Variants in SMC6 observed in about 807,000 individuals in gnomAD.
SMC6 encodes structural maintenance of chromosomes 6.
SMC6 carries 79 observed loss-of-function variants against 142.2 expected under a neutral mutation model. The ratio of observed to expected loss-of-function variants is 0.56; its 90% CI spans 0.46 to 0.67. The LOEUF (loss-of-function observed/expected upper bound fraction) is 0.67, where lower values mean the gene tolerates loss of function less well. Among genes scored for constraint, SMC6 ranks in the 30% least tolerant of loss-of-function variants. The pLI, the probability that SMC6 is intolerant of heterozygous loss-of-function variation, is 0.00. For missense variants in SMC6, 1,072 were observed against 1,284.0 expected, an observed-to-expected ratio of 0.83 and a Z score of 2.52; for synonymous variants, 411 against 412.4, an observed-to-expected ratio of 1.00 and a Z score of 0.04.
At chr2:17,717,403 G>A (rs1272328133) in intron 12 of SMC6, among the ~76,000 whole-genome samples, 1 of 152,206 alleles carries the variant, frequency 6.6e-6, no homozygotes, top group Non-Finnish European at 1.5e-5. Context: ...CAGGTGCTGT[G>A]GCTCACGCCT....
chr2:17,675,795 G>A (rs1484441392), intron 25 of SMC6, among the ~76,000 whole-genome samples: 2 of 151,928 alleles, frequency 1.3e-5, no homozygotes, highest in African/African-American at 4.8e-5. Context: ...TTACCTCTTT[G>A]TTTTTGGTTT....
At chr2:17,739,596 G>A (rs1317605395) in intron 4 of SMC6, among the ~76,000 whole-genome samples, 1 of 152,038 alleles carries the variant, frequency 6.6e-6, no homozygotes, top group Non-Finnish European at 1.5e-5. Context: ...AGTGAGCCAA[G>A]ATAGCACCAC....
At chr2:17,727,514 T>C (rs1396739225) in intron 7 of SMC6, among the ~76,000 whole-genome samples, 1 of 151,608 alleles carries the variant, frequency 6.6e-6, no homozygotes, top group African/African-American at 2.4e-5. Flanking sequence ...TTTATATATA[T>C]ATATATATAT....
At chr2:17,716,516 T>A (rs533942337) in intron 14 of SMC6, among the ~76,000 whole-genome samples, 7 of 152,174 alleles carry the variant, frequency 4.6e-5, no homozygotes, top group Non-Finnish European at 5.9e-5. Context: ...TCTACAACTA[T>A]AAGAAAAGTC....
chr2:17,707,431 G>T, intron 17 of SMC6, 52 bp from the exon 18 acceptor site: 1 of 1,242,110 alleles, frequency 8.1e-7, no homozygotes, highest in Non-Finnish European at 1.1e-6. Flanking sequence ...AAATTTTTCT[G>T]ATGTACAGAA....
At chr2:17,667,706 C>A (rs745477083) in intron 26 of SMC6, among the ~76,000 whole-genome samples, 3 of 151,954 alleles carry the variant, frequency 2.0e-5, no homozygotes, top group Non-Finnish European at 4.4e-5. Context: ...AAAAATTAGC[C>A]GGGCATGGTG....
At chr2:17,752,401 T>G (rs2125101972) in intron 2 of SMC6, among the ~76,000 whole-genome samples, 1 of 152,304 alleles carries the variant, frequency 6.6e-6, no homozygotes, top group Non-Finnish European at 1.5e-5. Context: ...TCCTCTGAAA[T>G]ATTTTCAGTC....
At chr2:17,675,389 A>T (rs938795335) in intron 25 of SMC6, among the ~76,000 whole-genome samples, 2 of 151,984 alleles carry the variant, frequency 1.3e-5, no homozygotes, top group Non-Finnish European at 2.9e-5. Context: ...ATTATTGTTG[A>T]TTTAGACGGC....
At chr2:17,678,539 A>G (rs576749953) in intron 25 of SMC6, among the ~76,000 whole-genome samples, 2 of 151,644 alleles carry the variant, frequency 1.3e-5, no homozygotes, top group South Asian at 2.1e-4. Context: ...AGGCCAAGGC[A>G]GGAGAATTGC....
At position 17,714,875 on chromosome 2, in the gene SMC6, A is replaced by C. The variant is rs1262295241; in HGVS notation, c.1716T>G (p.Tyr572Ter). Residue 572 changes from tyrosine (Y) to a stop codon, truncating the protein, a stop_gained, in exon 16 of 28, where the codon TAT (tyrosine) becomes TAG (stop). Transcript: ENST00000448223. LOFTEE classifies it high-confidence loss of function. The stretch of plus-strand genomic sequence containing the variant: ...TAATGCCTTACCTGTGTCTTACATC[A>C]TATATCTCATTCCGAAACTCAGAAA... ...IIVSEFRNEI[Y>*]DVRHRAAYHP... 7.4e-6 allele frequency: 12 copies of C among 1,612,776 alleles called. No individual in the cohort carries two copies. Among genetic ancestry groups the C allele is most frequent in the Non-Finnish European group, 1.0e-5 (12 of 1,179,698 alleles).
At chr2:17,716,048 TAA>T (rs745599028) in intron 15 of SMC6, 36 bp downstream of exon 15, 1 of 1,402,604 alleles carries the variant, frequency 7.1e-7, no homozygotes, top group Non-Finnish European at 9.4e-7. Flanking sequence ...AACTTATTTC[TAA>T]AGTTTATTAT....
chr2:17,672,014 A>G (rs1046480450), intron 25 of SMC6, among the ~76,000 whole-genome samples: 1 of 152,150 alleles, frequency 6.6e-6, no homozygotes, highest in African/African-American at 2.4e-5. Context: ...TATTAACATT[A>G]TTAATATTCT....
At chr2:17,693,464 A>G in intron 23 of SMC6, among the ~76,000 whole-genome samples, 1 of 152,054 alleles carries the variant, frequency 6.6e-6, no homozygotes, top group African/African-American at 2.4e-5. Context: ...CAAACACTGC[A>G]TGTTCTCACT....
chr2:17,717,117 A>G lies in SMC6; in HGVS notation c.1152T>C (p.Leu384=). 1 of 1,612,620 alleles carries G rather than the reference A, an allele frequency of 6.2e-7. No individual in the cohort carries two copies. The highest frequency in any genetic ancestry group is 8.5e-7 in the Non-Finnish European group (1 of 1,179,664). Residue 384 remains leucine (L), a synonymous_variant, in exon 13 of 28, where the codon CTT becomes CTC. Coordinates refer to ENST00000448223, the MANE Select transcript of SMC6 (RefSeq NM_001142286.2). ...TTTTCAGCTCTTCAATTCGTTTACA[A>G]AGCTGCTCATCATCTTTCTTTAATG... is the stretch of plus-strand genomic sequence containing the variant. ...YKALKKDDEQ[L]CKRIEELKKS... is the part of the protein sequence containing the mutation.
At chr2:17,726,820 G>A (rs1265248863) in intron 7 of SMC6, among the ~76,000 whole-genome samples, 1 of 152,154 alleles carries the variant, frequency 6.6e-6, no homozygotes, top group Admixed American at 6.5e-5. Flanking sequence ...GGTTAATCAT[G>A]GGACAGCAGA....
At chr2:17,730,665 C>A (rs1669866205) in intron 7 of SMC6, among the ~76,000 whole-genome samples, 1 of 149,944 alleles carries the variant, frequency 6.7e-6, no homozygotes. Flanking sequence ...TGCAGTGGCA[C>A]AATCTTGGCT....
intron 18 of SMC6, among the ~76,000 whole-genome samples, chr2:17,705,982 C>T (rs1418841971): frequency 6.6e-6 from 1 of 152,142 alleles, no homozygotes; most frequent in African/African-American, 2.4e-5. Context: ...CACTGATCAC[C>T]ACCTAACCTA....
chr2:17,698,825 T>C (rs1668132169), intron 21 of SMC6, among the ~76,000 whole-genome samples: 1 of 152,068 alleles, frequency 6.6e-6, no homozygotes, highest in Non-Finnish European at 1.5e-5. Context: ...CTGTAGTACG[T>C]TTTAGTGCAT....
chr2:17,734,974 C>T lies in SMC6; in HGVS notation c.345-3097G>A, dbSNP rs556716933. On this transcript the variant is annotated intron_variant, in intron 5 of 27. Coordinates refer to ENST00000448223, the MANE Select transcript of SMC6 (RefSeq NM_001142286.2). ...CTTGAACTCCTGACCTCAAGTGATC[C>T]GCCCAACTCGGGCTCGAAAGTGCCA... is the stretch of plus-strand genomic sequence containing the variant. Among the ~76,000 whole-genome samples, 21 of 152,246 alleles carry T rather than the reference C, an allele frequency of 1.4e-4. 1 individual carries two copies. The highest frequency in any genetic ancestry group is 5.9e-4 in the Admixed American group (9 of 15,288).
Sources: allele counts gnomAD v4.1 joint callset (sites outside exome capture counted in the v4.1 genomes callset), GRCh38; gene constraint gnomAD v4.1.1; transcripts MANE v1.5; gene names NCBI Gene and HGNC (gene_info 2026-07-23, HGNC 2026-07-21).